The following TLE3 variants were observed in gnomAD, a reference collection of about 807,000 sequenced individuals.
TLE3 encodes the protein transducin-like enhancer protein 3.
Under a neutral mutation model 93.0 loss-of-function variants are expected in TLE3, and 14 were observed. The observed-to-expected ratio is 0.15, with a 90% confidence interval of 0.10 to 0.24. The LOEUF (loss-of-function observed/expected upper bound fraction) is 0.24, where lower values mean the gene tolerates loss of function less well. TLE3 is among the 10% of genes least tolerant of loss of function. TLE3 has a pLI of 1.00. For missense variants in TLE3, 693 were observed against 1,046.6 expected, an observed-to-expected ratio of 0.66 and a Z score of 4.66; for synonymous variants, 451 against 425.0, an observed-to-expected ratio of 1.06 and a Z score of -0.75.
At position 70,071,835 on chromosome 15, in the gene TLE3, T is replaced by C. The variant is rs907903835; in HGVS notation, c.372+2698A>G. 3.3e-5 allele frequency among the ~76,000 whole-genome samples: 5 copies of C among 152,304 alleles called. No individual in the cohort carries two copies. In the East Asian group the frequency reaches 9.7e-4, roughly 29 times the overall value. ...GCTGGGGCCAGGATGCCTGCCCTTT[T>C]GCTCAGCCCATGGCTCTGCACCCCG... On this transcript the variant is annotated intron_variant, in intron 6 of 19. Transcript: ENST00000451782.
Position 70,055,243 on chromosome 15 carries a change from G to A in TLE3, c.1384C>T (p.His462Tyr). 6.2e-7 allele frequency: 1 copy of A among 1,611,504 alleles called. No individual in the cohort carries two copies. The highest frequency in any genetic ancestry group is 8.5e-7 in the Non-Finnish European group (1 of 1,179,004). ...ATGCCGGGGCCTGCCAGGGCGTCGT[G>A]GGGGAAGGGCACGGGCTGCATCTGC... ...DGQMQPVPFP[H>Y]DALAGPGIPR... The change falls in exon 15 of 20, where the codon CAC (histidine) becomes TAC (tyrosine). Residue 462 changes from histidine (H) to tyrosine (Y), a missense_variant. Physicochemically the swap from His to Tyr is moderately conservative, Grantham distance 83 (BLOSUM62 2). Around this residue, in one of 4 missense-constraint regions of TLE3, gnomAD observed 405 missense variants for 468.9 expected, o/e 0.86. Transcript: ENST00000451782.
intron 7 of TLE3, 127 bp from the exon 8 acceptor site, chr15:70,064,597 A>G: frequency 1.5e-6 from 2 of 1,300,548 alleles, no homozygotes; most frequent in Admixed American, 4.0e-5. Context: ...CTGGTTTTAA[A>G]ATGAGCAGAA....
At chr15:70,070,659 G>C (rs1451860751) in intron 6 of TLE3, among the ~76,000 whole-genome samples, 1 of 152,162 alleles carries the variant, frequency 6.6e-6, no homozygotes, top group African/African-American at 2.4e-5. Context: ...CTTCAGAGAT[G>C]GTGAACAGGC....
intron 4 of TLE3, among the ~76,000 whole-genome samples, chr15:70,090,997 G>A (rs190218869): frequency 4.5e-4 from 69 of 152,324 alleles, no homozygotes; most frequent in African/African-American, 1.6e-3. Flanking sequence ...CATTTCTTGA[G>A]TCTTACAGAA....
At position 70,083,147 on chromosome 15, in the gene TLE3, A is replaced by G. The variant is rs547941126; in HGVS notation, c.235-6989T>C. 5.3e-5 allele frequency among the ~76,000 whole-genome samples: 8 copies of G among 152,234 alleles called. No homozygotes were observed. The South Asian group carries it at 1.2e-3, about 24-fold the overall frequency. ...TAATAATCGGAGCTCTCAAAAATGA[A>G]TTAGGTGCTGTGTGAGTGCCCTGCC... is the stretch of plus-strand genomic sequence containing the variant. On this transcript the variant is annotated intron_variant, in intron 4 of 19. Coordinates refer to ENST00000451782, the MANE Select transcript of TLE3 (RefSeq NM_001105192.3).
intron 4 of TLE3, among the ~76,000 whole-genome samples, chr15:70,082,661 A>C (rs2057837457): frequency 6.6e-6 from 1 of 152,224 alleles, no homozygotes; most frequent in African/African-American, 2.4e-5. Context: ...AGGACTTGGT[A>C]CAAGAAAGGC....
intron 19 of TLE3, 162 bp from the exon 20 acceptor site, chr15:70,050,366 A>C: frequency 3.8e-6 from 2 of 526,230 alleles, no homozygotes; most frequent in Non-Finnish European, 6.9e-6. Flanking sequence ...CAGTGCGGTG[A>C]AGAGGAGGTG....
intron 4 of TLE3, among the ~76,000 whole-genome samples, chr15:70,079,151 C>T (rs563859749): frequency 2.6e-5 from 4 of 152,054 alleles, no homozygotes; most frequent in Admixed American, 6.5e-5. Context: ...TCATTCTCAC[C>T]CCTCCACCCT....
chr15:70,055,702 A>G (rs1269484989), intron 14 of TLE3: 2 of 201,162 alleles, frequency 9.9e-6, no homozygotes, highest in Non-Finnish European at 2.0e-5. Flanking sequence ...GGGAAAGTCC[A>G]TGTCAGAGCC....
intron 8 of TLE3, among the ~76,000 whole-genome samples, chr15:70,063,969 G>T (rs1403239901): frequency 2.0e-5 from 3 of 152,148 alleles, no homozygotes. Context: ...CCTGAACATG[G>T]GACACCTGGG....
At position 70,059,562 on chromosome 15, in the gene TLE3, G is replaced by A. The variant is rs950133511; in HGVS notation, c.715-102C>T. The stretch of plus-strand genomic sequence containing the variant: ...GTCCTTCTACTGGCCAGGACCTGAA[G>A]CCAGGCCAAACCCCAAAGTCCATGC... On this transcript the variant is annotated intron_variant, in intron 9 of 19. Transcript: ENST00000451782. 14 of 1,182,218 alleles carry A rather than the reference G, an allele frequency of 1.2e-5. No individual in the cohort carries two copies. In the African/African-American group the frequency reaches 1.7e-4, roughly 14 times the overall value. 73.2% of individuals were successfully genotyped at this position (1,182,218 alleles called of 1,614,324 possible). A position where few individuals can be genotyped will look rare whatever the true frequency, so the allele number is the denominator to read the frequency against.
chr15:70,055,111 C>A lies in TLE3; in HGVS notation c.1516G>T (p.Val506Leu), dbSNP rs374848525. Residue 506 changes from valine (V) to leucine (L), a missense_variant, in exon 15 of 20, where the codon GTG (valine) becomes TTG (leucine). Coordinates refer to ENST00000451782, the MANE Select transcript of TLE3 (RefSeq NM_001105192.3). Reference sequence around the variant, plus strand: ...GGCTGGCTGATGTCCCAGATCTTCACGCAGCCCTTGCCACCTGTGTAGACG... The same window carrying A: ...GGCTGGCTGATGTCCCAGATCTTCAAGCAGCCCTTGCCACCTGTGTAGACG... ...RHVYTGGKGC[V>L]KIWDISQPGS... The A allele has an allele frequency of 3.7e-6, 6 of 1,614,124 alleles. No homozygotes were observed. The highest frequency in any genetic ancestry group is 5.1e-6 in the Non-Finnish European group (6 of 1,180,000).
At chr15:70,053,067 T>C in intron 17 of TLE3, 160 bp downstream of exon 17, 1 of 871,858 alleles carries the variant, frequency 1.1e-6, no homozygotes, top group Non-Finnish European at 1.7e-6. Context: ...GTTTCACTGC[T>C]GCTTCCTCCA....
At chr15:70,063,258 A>G (rs868615032) in intron 8 of TLE3, among the ~76,000 whole-genome samples, 5 of 152,304 alleles carry the variant, frequency 3.3e-5, no homozygotes, top group African/African-American at 1.2e-4. Context: ...AAAATGTCCA[A>G]TCCAGGCCTC....
intron 4 of TLE3, among the ~76,000 whole-genome samples, chr15:70,093,806 C>T (rs1225039410): frequency 1.3e-5 from 2 of 152,244 alleles, no homozygotes; most frequent in Non-Finnish European, 2.9e-5. Flanking sequence ...CGACACCACA[C>T]TAGCTAAACT....
At position 70,097,545 on chromosome 15, in the gene TLE3, A is replaced by G; in HGVS notation, c.-747T>C. On this transcript the variant is annotated 5_prime_UTR_variant, in exon 1 of 20. Coordinates refer to ENST00000451782, the MANE Select transcript of TLE3 (RefSeq NM_001105192.3). ...GCAAATCAAACGCCCTGGCATCCTA[A>G]GTCCAGCGGGCACGGGAAGCCTCCG... The G allele has an allele frequency of 2.5e-6, 1 of 399,816 alleles. No individual in the cohort carries two copies. 24.8% of individuals were successfully genotyped at this position (399,816 alleles called of 1,614,324 possible).
chr15:70,072,981 C>T (rs2057261081), intron 6 of TLE3, among the ~76,000 whole-genome samples: 1 of 152,218 alleles, frequency 6.6e-6, no homozygotes, highest in Non-Finnish European at 1.5e-5. Context: ...TCCTCTCTGC[C>T]CATTCCACAC....
intron 4 of TLE3, among the ~76,000 whole-genome samples, chr15:70,089,094 A>G (rs1220788217): frequency 6.6e-6 from 1 of 152,158 alleles, no homozygotes; most frequent in East Asian, 1.9e-4. Context: ...CTTCTAGAAC[A>G]TATCTCACTG....
intron 18 of TLE3, among the ~76,000 whole-genome samples, chr15:70,051,676 C>T (rs1227740798): frequency 1.3e-5 from 2 of 152,068 alleles, no homozygotes; most frequent in Non-Finnish European, 2.9e-5. Flanking sequence ...CTGGGCGGGG[C>T]TAGGATGGGA....
Sources: gnomAD v4.1 joint callset for allele counts (sites outside exome capture counted in the v4.1 genomes callset) on GRCh38, gnomAD v4.1.1 for gene constraint, gnomAD v4.1.1 regional missense constraint, MANE v1.5 for transcripts, NCBI Gene and HGNC (gene_info 2026-07-23, HGNC 2026-07-21) for gene names.